Variants in GLIS3 observed in about 807,000 individuals in gnomAD.
The protein encoded by GLIS3 is zinc finger protein GLIS3.
GLIS3 carries 53 observed loss-of-function variants against 78.6 expected under a neutral mutation model. The observed-to-expected ratio is 0.67, with a 90% CI of 0.54 to 0.85. GLIS3 has a LOEUF of 0.85. Among genes scored for constraint, GLIS3 ranks in the 40% least tolerant of loss-of-function variants. GLIS3 has a pLI of 0.00. For missense variants in GLIS3, 1,703 were observed against 1,231.1 expected (o/e 1.38, Z -5.74); for synonymous variants, 684 against 509.9 (o/e 1.34, Z -4.60).
At chr9:3,905,118 G>A (rs1014574813) in intron 6 of GLIS3, among the ~76,000 whole-genome samples, 23 of 148,232 alleles carry the variant, frequency 1.6e-4, no homozygotes, top group African/African-American at 5.7e-4. Flanking sequence ...GACTATAGGC[G>A]CCTGCCGCCA....
chr9:3,918,830 C>G (rs1824686176), intron 6 of GLIS3, among the ~76,000 whole-genome samples: 1 of 152,180 alleles, frequency 6.6e-6, no homozygotes, highest in Non-Finnish European at 1.5e-5. Context: ...ATGCCAGAAC[C>G]ACTGTAGAGG....
intron 2 of GLIS3, among the ~76,000 whole-genome samples, chr9:4,178,073 C>G (rs1469647899): frequency 6.6e-6 from 1 of 152,130 alleles, no homozygotes; most frequent in African/African-American, 2.4e-5. Context: ...TCTCAAAAGC[C>G]CCACATTTCA....
At chr9:4,067,897 C>T (rs1204758337) in intron 4 of GLIS3, among the ~76,000 whole-genome samples, 1 of 152,002 alleles carries the variant, frequency 6.6e-6, no homozygotes, top group African/African-American at 2.4e-5. Context: ...GCAATAACCA[C>T]CGAGCTGTCA....
At chr9:4,200,361 T>C (rs1263189743) in intron 2 of GLIS3, among the ~76,000 whole-genome samples, 2 of 149,206 alleles carry the variant, frequency 1.3e-5, no homozygotes, top group Non-Finnish European at 3.0e-5. Context: ...ATCAGCAAAA[T>C]CAAAAGTTGT....
At chr9:3,857,624 C>T (rs1563782287) in intron 8 of GLIS3, among the ~76,000 whole-genome samples, 1 of 151,802 alleles carries the variant, frequency 6.6e-6, no homozygotes. Flanking sequence ...GGAGCTTAAA[C>T]AAACCAGCTG....
chr9:3,848,618 C>T (rs146891247), intron 9 of GLIS3, among the ~76,000 whole-genome samples: 107 of 152,304 alleles, frequency 7.0e-4, no homozygotes, highest in African/African-American at 2.4e-3. Context: ...TGGAAAGTAC[C>T]ATTGCACAAT....
intron 4 of GLIS3, among the ~76,000 whole-genome samples, chr9:4,079,773 C>T (rs1056888155): frequency 3.3e-5 from 5 of 150,744 alleles, no homozygotes; most frequent in Non-Finnish European, 5.9e-5. Flanking sequence ...AAAAGAAAAC[C>T]TACCTGAAAC....
At chr9:4,300,124 G>C (rs1816998864), upstream of GLIS3, among the ~76,000 whole-genome samples, 1 of 151,930 alleles carries the variant, frequency 6.6e-6, no homozygotes, top group South Asian at 2.1e-4. Context: ...GCGCCGGAGG[G>C]GGAGGGGGAA....
At chr9:3,882,544 C>T (rs968032704) in intron 7 of GLIS3, among the ~76,000 whole-genome samples, 1 of 152,114 alleles carries the variant, frequency 6.6e-6, no homozygotes, top group Non-Finnish European at 1.5e-5. Flanking sequence ...AGGTGGGGCA[C>T]ACGAGGTGTC....
chr9:4,388,286 A>C, the GLIS3 span, among the ~76,000 whole-genome samples: 7 of 152,302 alleles, frequency 4.6e-5, no homozygotes, highest in South Asian at 8.3e-4. Context: ...AGTAAGTCTT[A>C]ATCTGTGAAC....
intron 2 of GLIS3, among the ~76,000 whole-genome samples, chr9:4,266,728 T>C (rs933352379): frequency 2.0e-5 from 3 of 152,114 alleles, no homozygotes; most frequent in Non-Finnish European, 2.9e-5. Flanking sequence ...ATATGATAAA[T>C]AGTAAAAGCT....
intron 8 of GLIS3, among the ~76,000 whole-genome samples, chr9:3,872,855 C>T (rs1821055267): frequency 2.0e-5 from 3 of 152,208 alleles, no homozygotes; most frequent in Admixed American, 1.3e-4. Flanking sequence ...AATCTAAAAA[C>T]ATACCTCAAA....
At chr9:4,397,960 C>A in the GLIS3 span, among the ~76,000 whole-genome samples, 1 of 152,036 alleles carries the variant, frequency 6.6e-6, no homozygotes, top group African/African-American at 2.4e-5. Context: ...TCACACTGTT[C>A]CCCGTCTCCT....
chr9:4,009,532 A>G (rs1359524623), intron 4 of GLIS3, among the ~76,000 whole-genome samples: 4 of 152,036 alleles, frequency 2.6e-5, no homozygotes, highest in African/African-American at 9.7e-5. Flanking sequence ...CGTGCTGGGG[A>G]CTGGGGGAAG....
chr9:4,040,850 G>A (rs574237001), intron 4 of GLIS3, among the ~76,000 whole-genome samples: 15 of 152,184 alleles, frequency 9.9e-5, no homozygotes, highest in African/African-American at 3.4e-4. Flanking sequence ...TGAAGTGAAG[G>A]TCATCAACAG....
chr9:4,040,798 TGTCAACTGG>T (rs1824744341), intron 4 of GLIS3, among the ~76,000 whole-genome samples: 1 of 152,196 alleles, frequency 6.6e-6, no homozygotes, highest in Non-Finnish European at 1.5e-5. Flanking sequence ...CAAGTGGTGC[TGTCAACTGG>T]GTCAACTGGG....
At chr9:4,158,942 A>G (rs1294192214) in intron 2 of GLIS3, among the ~76,000 whole-genome samples, 2 of 151,374 alleles carry the variant, frequency 1.3e-5, no homozygotes, top group Non-Finnish European at 2.9e-5. Flanking sequence ...GCCATGTAAC[A>G]ATACGGGGGC....
At chr9:4,161,759 G>T (rs1396186239) in intron 2 of GLIS3, among the ~76,000 whole-genome samples, 2 of 143,046 alleles carry the variant, frequency 1.4e-5, no homozygotes, top group East Asian at 2.1e-4. Context: ...GCTCACTGTA[G>T]CCTCTGCCTC....
upstream of GLIS3, among the ~76,000 whole-genome samples, chr9:4,351,575 A>C (rs1055449998): frequency 1.3e-5 from 2 of 152,214 alleles, no homozygotes; most frequent in African/African-American, 2.4e-5. Flanking sequence ...TTTTCCATTT[A>C]ATTGTTCAGA....
Sources: allele counts gnomAD v4.1 joint callset (sites outside exome capture counted in the v4.1 genomes callset), GRCh38; gene constraint gnomAD v4.1.1; transcripts MANE v1.5; gene names NCBI Gene and HGNC (gene_info 2026-07-23, HGNC 2026-07-21).